SPX: variants seen among roughly 807,000 people sequenced by gnomAD.
The protein encoded by SPX is spexin.
A neutral mutation model predicts 19.2 loss-of-function variants in SPX; 22 were observed. That is an observed-to-expected ratio of 1.15 (90% CI 0.82 to 1.64). The LOEUF is 1.64. SPX is among the 40% of genes most tolerant of loss of function. The pLI is 0.00. For missense variants in SPX, 143 were observed against 137.7 expected (o/e 1.04, Z -0.19); for synonymous variants, 50 against 53.3 (o/e 0.94, Z 0.27).
intron 3 of SPX, chr12:21,527,467 C>T (rs1383221131): frequency 8.3e-6 from 5 of 600,262 alleles, no homozygotes; most frequent in Non-Finnish European, 1.5e-5. Flanking sequence ...GGAAATATCT[C>T]AGTAACCCGA....
chr12:21,526,853 A>C (rs1208154255), intron 1 of SPX, 33 bp from the exon 2 acceptor site: 4 of 1,598,160 alleles, frequency 2.5e-6, no homozygotes, highest in East Asian at 2.2e-5. Context: ...ATTGGCACAG[A>C]AATGACCCTT....
rs1017816596 is a variant in SPX, at chr12:21,527,722, T to C, written c.146-5T>C. 2 of 1,562,166 alleles carry C rather than the reference T, an allele frequency of 1.3e-6. No individual in the cohort carries two copies. Among genetic ancestry groups the C allele is most frequent in the Non-Finnish European group, 1.7e-6 (2 of 1,152,518 alleles). On this transcript the variant is annotated splice_region_variant and splice_polypyrimidine_tract_variant and intron_variant, in intron 3 of 5. Coordinates refer to ENST00000256969, the MANE Select transcript of SPX (RefSeq NM_030572.4). Reference sequence around the variant, plus strand: ...GTCGCTGAGCCCCAGGTCTCGTTTTTGCAGAGGGTCGCCGCTTCATCTCCG... The same window carrying C: ...GTCGCTGAGCCCCAGGTCTCGTTTTCGCAGAGGGTCGCCGCTTCATCTCCG...
rs1202986366 is a variant in SPX at position 21,527,153 on chromosome 12, A to G, written c.106A>G (p.Asn36Asp). 2.5e-6 allele frequency: 4 copies of G among 1,614,030 alleles called. No homozygotes were observed. Among genetic ancestry groups the G allele is most frequent in the Non-Finnish European group, 3.4e-6 (4 of 1,179,998 alleles). Residue 36 changes from asparagine to aspartate, a missense_variant, in exon 3 of 6, where the codon AAC becomes GAC. Asn to Asp is a conservative substitution (Grantham distance 23, BLOSUM62 1). Coordinates refer to ENST00000256969, the MANE Select transcript of SPX (RefSeq NM_030572.4). The part of the protein sequence containing the change: ...CAPQRLLERR[N>D]WTPQAMLYLK... Reference sequence around the variant, plus strand: ...GCTATAGAGACTGTTGGAGAGAAGGAACTGGACTCCTCAAGCTATGCTCTA... The same window carrying G: ...GCTATAGAGACTGTTGGAGAGAAGGGACTGGACTCCTCAAGCTATGCTCTA...
At chr12:21,531,102 G>A (rs370929294) in intron 5 of SPX, 35 bp from the exon 6 acceptor site, 12 of 1,247,730 alleles carry the variant, frequency 9.6e-6, no homozygotes, top group African/African-American at 3.1e-5. Context: ...AACGCAGAGT[G>A]TATATTTATT....
In SPX at chr12:21,526,899, T is replaced by C; in HGVS notation, c.20T>C (p.Leu7Pro). Residue 7 changes from leucine to proline, a missense_variant, in exon 2 of 6, where the codon CTG (leucine) becomes CCG (proline). Coordinates refer to ENST00000256969, the MANE Select transcript of SPX (RefSeq NM_030572.4). ...CGCTTCATATAGGGACTCAGAAGTC[T>C]GGCAGCAACAACCTTGGCTCTTTTC... MKGLRS[L>P]AATTLALFLV... The C allele has an allele frequency of 1.9e-6, 3 of 1,614,228 alleles. No homozygotes were observed. Among genetic ancestry groups the C allele is most frequent in the Non-Finnish European group, 2.5e-6 (3 of 1,180,018 alleles).
At chr12:21,529,163 C>T in intron 5 of SPX, 79 bp downstream of exon 5, 1 of 1,367,480 alleles carries the variant, frequency 7.3e-7, no homozygotes, top group East Asian at 2.3e-5. Context: ...GAGTGCAACA[C>T]CCCTCCCCCA....
rs1427883965 is a variant in SPX, at chr12:21,527,178, A to G, written c.131A>G (p.Tyr44Cys). The change falls in exon 3 of 6, where the codon TAC becomes TGC. Residue 44 changes from tyrosine to cysteine, a missense_variant. Coordinates refer to ENST00000256969, the MANE Select transcript of SPX (RefSeq NM_030572.4). The part of the protein sequence containing the change: ...RRNWTPQAML[Y>C]LKGAQGRRFI... Reference sequence around the variant, plus strand: ...AACTGGACTCCTCAAGCTATGCTCTACCTGAAAGGGGCACGTAAGTTCCAA... The same window carrying G: ...AACTGGACTCCTCAAGCTATGCTCTGCCTGAAAGGGGCACGTAAGTTCCAA... 1 of 1,613,994 alleles carries G rather than the reference A, an allele frequency of 6.2e-7. No individual in the cohort carries two copies.
chr12:21,527,568 T>C, intron 3 of SPX, 159 bp from the exon 4 acceptor site: 1 of 724,838 alleles, frequency 1.4e-6, no homozygotes. Context: ...GGGGTTGCGC[T>C]GGGAGCGCTG....
chr12:21,527,182 G>A lies in SPX; in HGVS notation c.135G>A (p.Leu45=), dbSNP rs1943822709. The part of the protein sequence containing the change: ...RNWTPQAMLY[L]KGAQGRRFIS... ...GGACTCCTCAAGCTATGCTCTACCT[G>A]AAAGGGGCACGTAAGTTCCAAATAT... The change falls in exon 3 of 6, where the codon CTG becomes CTA. Residue 45 remains leucine (L), a synonymous_variant. Transcript: ENST00000256969. 6.2e-7 allele frequency: 1 copy of A among 1,613,922 alleles called. No homozygotes were observed. The highest frequency in any genetic ancestry group is 8.5e-7 in the Non-Finnish European group (1 of 1,179,898).
At chr12:21,528,152 G>T (rs1943833036) in intron 4 of SPX, 1 of 213,282 alleles carries the variant, frequency 4.7e-6, no homozygotes, top group South Asian at 1.4e-4. Context: ...GCTCAGAGGG[G>T]TAAGGCGAGA....
Position 21,527,757 on chromosome 12 carries a change from G to T in SPX, c.176G>T (p.Arg59Leu). Residue 59 changes from arginine to leucine, a missense_variant, in exon 4 of 6, where the codon CGG (arginine) becomes CTG (leucine). Coordinates refer to ENST00000256969, the MANE Select transcript of SPX (RefSeq NM_030572.4). ...QGRRFISDQSRRKDLSDRPLP... is the reference protein window; with the variant it reads ...QGRRFISDQSLRKDLSDRPLP... ...CGCCGCTTCATCTCCGACCAGAGCCGGAGAAAGGACCTCTCCGACCGGCCA... is the reference window on the plus strand; with the variant it reads ...CGCCGCTTCATCTCCGACCAGAGCCTGAGAAAGGACCTCTCCGACCGGCCA... 3.2e-6 allele frequency: 5 copies of T among 1,572,438 alleles called. No individual in the cohort carries two copies. Among genetic ancestry groups the T allele is most frequent in the Non-Finnish European group, 4.3e-6 (5 of 1,158,590 alleles).
chr12:21,526,746 GA>G, intron 1 of SPX, 139 bp from the exon 2 acceptor site: 1 of 858,694 alleles, frequency 1.2e-6, no homozygotes. Context: ...AGGTAGAAGG[GA>G]AACACCTCCA....
At chr12:21,529,659 TTGC>T (rs1187255355) in intron 5 of SPX, among the ~76,000 whole-genome samples, 4 of 152,226 alleles carry the variant, frequency 2.6e-5, no homozygotes, top group Admixed American at 2.0e-4. Context: ...GTGACACAGC[TTGC>T]TGCTGCTATT....
At chr12:21,531,048 T>C in intron 5 of SPX, 89 bp from the exon 6 acceptor site, 1 of 837,026 alleles carries the variant, frequency 1.2e-6, no homozygotes, top group Non-Finnish European at 1.9e-6. Context: ...AGGCTAAATG[T>C]TTATTTCCTG....
At chr12:21,530,989 T>G in intron 5 of SPX, 148 bp from the exon 6 acceptor site, 3 of 580,960 alleles carry the variant, frequency 5.2e-6, no homozygotes, top group Non-Finnish European at 9.1e-6. Flanking sequence ...TCAAAGCCCA[T>G]ATTGTTTAAA....
chr12:21,528,985 A>G lies in SPX; in HGVS notation c.209-16A>G, dbSNP rs76529936. On this transcript the variant is annotated splice_polypyrimidine_tract_variant and intron_variant, in intron 4 of 5. Transcript: ENST00000256969. Reference sequence around the variant, plus strand: ...ATAAATGCTAAGAGAATCTGTATACATTTTTGTTTCTGCAGAAAGACGAAG... The same window carrying G: ...ATAAATGCTAAGAGAATCTGTATACGTTTTTGTTTCTGCAGAAAGACGAAG... 6.2e-7 allele frequency: 1 copy of G among 1,603,526 alleles called. No homozygotes were observed. Among genetic ancestry groups the G allele is most frequent in the Non-Finnish European group, 8.5e-7 (1 of 1,170,394 alleles).
At position 21,527,204 on chromosome 12, in the gene SPX, A is replaced by G. The variant is rs1943822885; in HGVS notation, c.145+12A>G. ...CCTGAAAGGGGCACGTAAGTTCCAAATATTTCGCTCTTCCTACAATAATGG... is the reference window on the plus strand; with the variant it reads ...CCTGAAAGGGGCACGTAAGTTCCAAGTATTTCGCTCTTCCTACAATAATGG... On this transcript the variant is annotated intron_variant, in intron 3 of 5. Coordinates refer to ENST00000256969, the MANE Select transcript of SPX (RefSeq NM_030572.4). The G allele has an allele frequency of 1.2e-6, 2 of 1,611,564 alleles. No individual in the cohort carries two copies. The highest frequency in any genetic ancestry group is 2.2e-5 in the East Asian group (1 of 44,866).
intron 4 of SPX, among the ~76,000 whole-genome samples, chr12:21,528,315 A>C (rs1402646946): frequency 6.6e-6 from 1 of 152,214 alleles, no homozygotes; most frequent in Non-Finnish European, 1.5e-5. Context: ...GAACTATCAA[A>C]GGTTCAAAAT....
At chr12:21,527,588 C>A in intron 3 of SPX, 139 bp from the exon 4 acceptor site, 2 of 819,692 alleles carry the variant, frequency 2.4e-6, no homozygotes, top group Non-Finnish European at 3.9e-6. Context: ...GGAAACTCGG[C>A]AGCCCCGCGC....
Sources: allele counts gnomAD v4.1 joint callset (sites outside exome capture counted in the v4.1 genomes callset), GRCh38; gene constraint gnomAD v4.1.1; transcripts MANE v1.5; gene names NCBI Gene and HGNC (gene_info 2026-07-23, HGNC 2026-07-21).